Variants in KCNAB1 observed in about 807,000 individuals in gnomAD.
KCNAB1 encodes potassium voltage-gated channel subfamily A regulatory beta subunit 1.
Under a neutral mutation model 64.6 loss-of-function variants are expected in KCNAB1, and 35 were observed. The observed-to-expected ratio is 0.54, with a 90% confidence interval of 0.41 to 0.72. KCNAB1 has a LOEUF of 0.72. Ranked by LOEUF, KCNAB1 falls within the 30% of genes least tolerant of loss-of-function variation. KCNAB1 has a pLI of 0.00. For synonymous variants in KCNAB1, 177 were observed against 183.8 expected (o/e 0.96, Z 0.30); for missense variants, 401 against 512.9 (o/e 0.78, Z 2.11).
At chr3:156,190,582 G>A (rs536524114) in intron 1 of KCNAB1, among the ~76,000 whole-genome samples, 1 of 152,320 alleles carries the variant, frequency 6.6e-6, no homozygotes, top group African/African-American at 2.4e-5. Context: ...ACTTCCTTGA[G>A]CCTGGTTCCT....
intron 1 of KCNAB1, among the ~76,000 whole-genome samples, chr3:156,354,164 A>T (rs1335871562): frequency 6.8e-6 from 1 of 147,496 alleles, no homozygotes; most frequent in Non-Finnish European, 1.5e-5. Context: ...ATATATGTAT[A>T]TATTTTTTTT....
At chr3:156,450,535 A>G (rs1193942019) in intron 2 of KCNAB1, among the ~76,000 whole-genome samples, 1 of 152,220 alleles carries the variant, frequency 6.6e-6, no homozygotes, top group Non-Finnish European at 1.5e-5. Context: ...AAAGTTGCTC[A>G]TTAGACTAAC....
intron 1 of KCNAB1, among the ~76,000 whole-genome samples, chr3:156,135,265 GGGTTTACA>G (rs570328422): frequency 3.2e-4 from 49 of 152,144 alleles, no homozygotes; most frequent in Admixed American, 2.6e-3. Flanking sequence ...CCAAAGTGCT[GGGTTTACA>G]GGAATGCGCC....
intron 8 of KCNAB1, among the ~76,000 whole-genome samples, chr3:156,504,567 A>AT (rs577455990): frequency 1.2e-3 from 187 of 150,106 alleles, no homozygotes; most frequent in East Asian, 0.012. Flanking sequence ...TCTTGCCAGC[A>AT]TTTTTTTTTG....
intron 1 of KCNAB1, among the ~76,000 whole-genome samples, chr3:156,181,482 C>T (rs1475973036): frequency 6.6e-6 from 1 of 152,100 alleles, no homozygotes; most frequent in East Asian, 1.9e-4. Context: ...ATAAAGCTCT[C>T]CTTGGGGACT....
chr3:156,172,282 CTTT>C (rs55927447), intron 1 of KCNAB1, among the ~76,000 whole-genome samples: 1 of 143,752 alleles, frequency 7.0e-6, no homozygotes. Flanking sequence ...ATTCAAATGG[CTTT>C]TTTTTTTTTT....
At chr3:156,221,315 G>A (rs759665681) in intron 1 of KCNAB1, among the ~76,000 whole-genome samples, 3 of 152,160 alleles carry the variant, frequency 2.0e-5, no homozygotes, top group Non-Finnish European at 4.4e-5. Context: ...ACCTTAGGCA[G>A]TATGGCCATT....
chr3:156,497,820 A>G (rs1716110000), intron 8 of KCNAB1, among the ~76,000 whole-genome samples: 1 of 152,236 alleles, frequency 6.6e-6, no homozygotes, highest in African/African-American at 2.4e-5. Context: ...CTAATACATC[A>G]CATTCTGATA....
At chr3:156,457,163 T>C (rs1276566716) in intron 3 of KCNAB1, 11 of 1,152,778 alleles carry the variant, frequency 9.5e-6, no homozygotes, top group South Asian at 2.5e-5. Context: ...TAAAGAATGT[T>C]GTCAAACCAG....
At position 156,291,859 on chromosome 3, in the gene KCNAB1, G is replaced by C. The variant is rs918940708; in HGVS notation, c.276-129757G>C. 6 of 1,608,602 alleles carry C rather than the reference G, an allele frequency of 3.7e-6. No individual in the cohort carries two copies. The African/African-American group carries it at 8.0e-5, about 22-fold the overall frequency. On this transcript the variant is annotated intron_variant, in intron 1 of 13. Transcript: ENST00000490337. The stretch of plus-strand genomic sequence containing the variant: ...CGCAACTGCTCAACCTCTCGTGACT[G>C]CCTGTGTTCTGGGGTTCTGAGAGGG...
chr3:156,486,442 G>A (rs1715221771), intron 8 of KCNAB1, among the ~76,000 whole-genome samples: 1 of 152,178 alleles, frequency 6.6e-6, no homozygotes, highest in African/African-American at 2.4e-5. Flanking sequence ...GGAGAAGGCT[G>A]CCTCTTCATT....
rs115084237 is a variant in KCNAB1, at chr3:156,158,523, A to C, written c.275+37637A>C. Among the ~76,000 whole-genome samples, 1,149 of 152,290 alleles carry C rather than the reference A, an allele frequency of 7.5e-3. 20 individuals are homozygous for C. The highest frequency in any genetic ancestry group is 0.027 in the African/African-American group (1,115 of 41,548). ...GATCATATAGACTATTTTTTATCAG[A>C]TATAACTTGTTTTTTTTGCAAGTAA... On this transcript the variant is annotated intron_variant, in intron 1 of 13. Transcript: ENST00000490337.
At chr3:156,429,915 A>C (rs1367415231) in intron 2 of KCNAB1, among the ~76,000 whole-genome samples, 1 of 152,242 alleles carries the variant, frequency 6.6e-6, no homozygotes, top group African/African-American at 2.4e-5. Context: ...AATATTAAAC[A>C]TACAAGAGTG....
chr3:156,357,912 AT>A (rs1351098779), intron 1 of KCNAB1, among the ~76,000 whole-genome samples: 5 of 151,676 alleles, frequency 3.3e-5, no homozygotes, highest in Non-Finnish European at 5.9e-5. Context: ...CTAAAGTTTT[AT>A]GAGAAATCCT....
chr3:156,175,846 G>A (rs1352090917), intron 1 of KCNAB1: 1 of 677,388 alleles, frequency 1.5e-6, no homozygotes, highest in East Asian at 3.0e-5. Flanking sequence ...AGTAGCCTTG[G>A]AGTCTTCCAT....
chr3:156,291,993 C>T (rs773559627), intron 1 of KCNAB1: 24 of 1,614,006 alleles, frequency 1.5e-5, no homozygotes, highest in Non-Finnish European at 1.9e-5. Context: ...AGCTCCACCG[C>T]CCCCAATGTG....
Position 156,494,103 on chromosome 3 carries a change from C to T in KCNAB1, c.658+19283C>T, listed in dbSNP as rs888495783. 3.2e-4 allele frequency among the ~76,000 whole-genome samples: 49 copies of T among 152,132 alleles called. 1 individual carries two copies. The highest frequency in any genetic ancestry group is 7.4e-5 in the Non-Finnish European group (5 of 68,012). Reference sequence around the variant, plus strand: ...CAGTGATTCTTGCCTGAAACCAGCACTGTTGTGCTTGCCAAGGTGGTTTTC... The same window carrying T: ...CAGTGATTCTTGCCTGAAACCAGCATTGTTGTGCTTGCCAAGGTGGTTTTC... On this transcript the variant is annotated intron_variant, in intron 8 of 13. Coordinates refer to ENST00000490337, the MANE Select transcript of KCNAB1 (RefSeq NM_172160.3).
chr3:156,380,198 AT>A, intron 1 of KCNAB1, among the ~76,000 whole-genome samples: 2 of 152,206 alleles, frequency 1.3e-5, no homozygotes, highest in East Asian at 1.9e-4. Flanking sequence ...CTTCCCCTCT[AT>A]CTTCCATTGC....
chr3:156,453,788 T>C (rs1235163738), intron 3 of KCNAB1, among the ~76,000 whole-genome samples: 4 of 152,074 alleles, frequency 2.6e-5, no homozygotes, highest in African/African-American at 4.8e-5. Context: ...GTGCACTGAG[T>C]GGGATCCAGT....
Sources: allele counts gnomAD v4.1 joint callset (sites outside exome capture counted in the v4.1 genomes callset), GRCh38; gene constraint gnomAD v4.1.1; transcripts MANE v1.5; gene names NCBI Gene and HGNC (gene_info 2026-07-23, HGNC 2026-07-21).